Variants in SESN1 observed in about 807,000 individuals in gnomAD.
SESN1 encodes sestrin-1.
A neutral mutation model predicts 59.3 loss-of-function variants in SESN1; 30 were observed. That is an observed-to-expected ratio of 0.51 (90% CI 0.38 to 0.69). The LOEUF (loss-of-function observed/expected upper bound fraction) is 0.69. Among genes scored for constraint, SESN1 ranks in the 30% least tolerant of loss-of-function variants. The pLI is 0.00. For synonymous variants in SESN1, 197 were observed against 219.9 expected, an observed-to-expected ratio of 0.90 and a Z score of 0.92; for missense variants, 566 against 673.0, an observed-to-expected ratio of 0.84 and a Z score of 1.76.
In SESN1 at chr6:108,987,057, G is replaced by C. The variant is rs1042666753; in HGVS notation, c.*487C>G. On this transcript the variant is annotated 3_prime_UTR_variant, in exon 10 of 10. Coordinates refer to ENST00000436639, the MANE Select transcript of SESN1 (RefSeq NM_014454.3). ...GAAATCACACAAGTTATGTATGTAG[G>C]CTCAGATAGTAGCAATGTTCACTTT... 2.6e-5 allele frequency: 4 copies of C among 152,852 alleles called. No homozygotes were observed. The highest frequency in any genetic ancestry group is 9.7e-5 in the African/African-American group (4 of 41,402). 9.5% of individuals were successfully genotyped at this position (152,852 alleles called of 1,614,324 possible). A position where few individuals can be genotyped will look rare whatever the true frequency, so the allele number is the denominator to read the frequency against.
chr6:109,022,496 C>T (rs943356431), intron 1 of SESN1, among the ~76,000 whole-genome samples: 11 of 127,798 alleles, frequency 8.6e-5, no homozygotes, highest in Non-Finnish European at 1.7e-4. Flanking sequence ...GATCTCGGCT[C>T]ATTGCAAGCT....
chr6:108,988,538 C>T lies in SESN1; in HGVS notation c.1569+5G>A, dbSNP rs549199132. ...CAAAGTAAATAAGCCACAATAGGCA[C>T]ATACCTTCTCAGAGTGCTTGAACTG... On this transcript the variant is annotated splice_donor_5th_base_variant and intron_variant, in intron 9 of 9. Transcript: ENST00000436639. 34 of 1,604,322 alleles carry T rather than the reference C, an allele frequency of 2.1e-5. 1 individual carries two copies. The South Asian group carries it at 3.6e-4, about 17-fold the overall frequency.
intron 1 of SESN1, among the ~76,000 whole-genome samples, chr6:109,055,321 ATTTT>A: frequency 1.3e-5 from 2 of 151,990 alleles, no homozygotes; most frequent in African/African-American, 4.8e-5. Flanking sequence ...GTTGTGTGGT[ATTTT>A]TCAGAAATGT....
Position 108,992,895 on chromosome 6 carries a change from A to T in SESN1, c.1125T>A (p.Asp375Glu), listed in dbSNP as rs1779418527. 6.2e-7 allele frequency: 1 copy of T among 1,602,876 alleles called. No individual in the cohort carries two copies. Among genetic ancestry groups the T allele is most frequent in the South Asian group, 1.1e-5 (1 of 90,062 alleles). The change falls in exon 7 of 10, where the codon GAT becomes GAA. Residue 375 changes from aspartate to glutamate, a missense_variant. Coordinates refer to ENST00000436639, the MANE Select transcript of SESN1 (RefSeq NM_014454.3). ...CAGCTCTTGCTGGTGTAACTTCTTC[A>T]TCATCTGGGAAAAAAGGCCATTGAA... Reference protein sequence around the residue: ...RESMFVFSSDDEEVTPARAVS... With the variant: ...RESMFVFSSDEEEVTPARAVS...
At chr6:109,010,273 G>A (rs1467125690) in intron 1 of SESN1, among the ~76,000 whole-genome samples, 1 of 152,120 alleles carries the variant, frequency 6.6e-6, no homozygotes, top group African/African-American at 2.4e-5. Context: ...AGGTTACAAA[G>A]GAGAAAAACA....
At chr6:108,995,185 T>C (rs1343419891) in intron 5 of SESN1, among the ~76,000 whole-genome samples, 1 of 152,208 alleles carries the variant, frequency 6.6e-6, no homozygotes, top group East Asian at 1.9e-4. Context: ...AATAATGTCA[T>C]TACCATTTAT....
In SESN1 at chr6:109,093,776, T is replaced by C. The variant is rs773389739; in HGVS notation, c.279+19A>G. The C allele has an allele frequency of 4.4e-6, 7 of 1,606,316 alleles. No individual in the cohort carries two copies. The highest frequency in any genetic ancestry group is 6.0e-6 in the Non-Finnish European group (7 of 1,174,844). ...AACTGTAGTAGAGACATAGTTGTAT[T>C]TAAAATGCTCTTCCTTACCTGGATG... On this transcript the variant is annotated intron_variant, in intron 1 of 9. Transcript: ENST00000436639.
Position 108,985,294 on chromosome 6 carries a change from G to A in SESN1, c.*2250C>T, listed in dbSNP as rs1346863428. Among the ~76,000 whole-genome samples, 1 of 150,660 alleles carries A rather than the reference G, an allele frequency of 6.6e-6. No individual in the cohort carries two copies. The highest frequency in any genetic ancestry group is 1.5e-5 in the Non-Finnish European group (1 of 67,476). ...CCCAAATACGGCCAAAACAACTCAA[G>A]ATTTTAACTCTTGAATCCTGGGACC... is the stretch of plus-strand genomic sequence containing the variant. On this transcript the variant is annotated 3_prime_UTR_variant, in exon 10 of 10. Transcript: ENST00000436639.
chr6:108,998,370 C>T, intron 5 of SESN1, 143 bp downstream of exon 5: 2 of 881,002 alleles, frequency 2.3e-6, no homozygotes, highest in Non-Finnish European at 3.4e-6. Flanking sequence ...GTCAATAAAA[C>T]CCTACTGAAT....
rs1447290665 is a variant in SESN1, at chr6:108,986,799, A to G, written c.*745T>C. ...CTCCAGTGTCAGGATCCTGTGAAACAGCATATCAAAAGATCGCCAGCTTCT... is the reference window on the plus strand; with the variant it reads ...CTCCAGTGTCAGGATCCTGTGAAACGGCATATCAAAAGATCGCCAGCTTCT... On this transcript the variant is annotated 3_prime_UTR_variant, in exon 10 of 10. Transcript: ENST00000436639. 1.3e-5 allele frequency: 2 copies of G among 152,244 alleles called. No individual in the cohort carries two copies. The highest frequency in any genetic ancestry group is 4.8e-5 in the African/African-American group (2 of 41,462). The allele number at this position is 152,244 out of a possible 1,614,324, so 9.4% of individuals were successfully genotyped here.
rs187075180 is a variant in SESN1 at position 108,996,327 on chromosome 6, C to T, written c.973-1718G>A. The stretch of plus-strand genomic sequence containing the variant: ...TTCATGATGGGAAGTGTTTCTATGA[C>T]GATACTGAAGATTCTTGTGGTGCAT... On this transcript the variant is annotated intron_variant, in intron 5 of 9. Coordinates refer to ENST00000436639, the MANE Select transcript of SESN1 (RefSeq NM_014454.3). 4.2e-3 allele frequency among the ~76,000 whole-genome samples: 641 copies of T among 152,186 alleles called. 2 individuals carry two copies. The highest frequency in any genetic ancestry group is 6.9e-3 in the Non-Finnish European group (467 of 68,006).
intron 1 of SESN1, among the ~76,000 whole-genome samples, chr6:109,044,485 C>T (rs752208055): frequency 6.6e-6 from 1 of 151,824 alleles, no homozygotes; most frequent in Non-Finnish European, 1.5e-5. Flanking sequence ...ATACCCTTAA[C>T]AAAAAGTAAC....
chr6:109,064,710 T>TGAAG (rs1178073037), intron 1 of SESN1, among the ~76,000 whole-genome samples: 6 of 43,880 alleles, frequency 1.4e-4, no homozygotes, highest in Admixed American at 1.1e-3. Flanking sequence ...GGGAGAGAGA[T>TGAAG]GAAGGAAGGA....
chr6:108,989,941 A>G (rs1562451921), intron 8 of SESN1, among the ~76,000 whole-genome samples: 1 of 152,136 alleles, frequency 6.6e-6, no homozygotes, highest in Non-Finnish European at 1.5e-5. Context: ...CTGGCTACTG[A>G]TTAGTGGGAA....
Position 109,006,084 on chromosome 6 carries a change from C to T in SESN1, c.280-3741G>A, listed in dbSNP as rs574072644. On this transcript the variant is annotated intron_variant, in intron 1 of 9. Coordinates refer to ENST00000436639, the MANE Select transcript of SESN1 (RefSeq NM_014454.3). ...TAATAAATAGCAATAGCAGCAGCAG[C>T]AGCTAACACAAAGTATGAGCTGAGC... Among the ~76,000 whole-genome samples the T allele has an allele frequency of 1.6e-4, 24 of 152,298 alleles. No homozygotes were observed. In the South Asian group the frequency reaches 4.6e-3, roughly 29 times the overall value.
intron 1 of SESN1, among the ~76,000 whole-genome samples, chr6:109,071,424 C>G (rs1399718343): frequency 6.6e-6 from 1 of 151,092 alleles, no homozygotes; most frequent in African/African-American, 2.4e-5. Context: ...AGATGAAGGT[C>G]CTTTTATCTT....
intron 1 of SESN1, among the ~76,000 whole-genome samples, chr6:109,080,735 T>C (rs1488861017): frequency 1.3e-5 from 2 of 152,152 alleles, no homozygotes; most frequent in Non-Finnish European, 2.9e-5. Flanking sequence ...CTCTTGAGTC[T>C]CACAGCCTGG....
At chr6:109,021,949 T>C (rs2071253757) in intron 1 of SESN1, among the ~76,000 whole-genome samples, 1 of 152,184 alleles carries the variant, frequency 6.6e-6, no homozygotes, top group Non-Finnish European at 1.5e-5. Context: ...ATCTAAAGGA[T>C]TGGTTAAATT....
chr6:109,009,536 C>T (rs1779815281), intron 1 of SESN1: 4 of 1,152,420 alleles, frequency 3.5e-6, no homozygotes, highest in Non-Finnish European at 4.2e-6. Context: ...GGCTGCAGCG[C>T]CTCAGTCAGC....
Sources: allele counts gnomAD v4.1 joint callset (sites outside exome capture counted in the v4.1 genomes callset), GRCh38; gene constraint gnomAD v4.1.1; transcripts MANE v1.5; gene names NCBI Gene and HGNC (gene_info 2026-07-23, HGNC 2026-07-21).